DUSP18: variants seen among roughly 807,000 people sequenced by gnomAD.
DUSP18 encodes the protein dual specificity phosphatase 18.
DUSP18 carries 4 observed loss-of-function variants against 6.3 expected under a neutral mutation model. That is an observed-to-expected ratio of 0.63 (90% CI 0.31 to 1.45). The LOEUF (loss-of-function observed/expected upper bound fraction) is 1.45, where lower values mean the gene tolerates loss of function less well. DUSP18 is among the 40% of genes most tolerant of loss of function. DUSP18 has a pLI of 0.07. For missense variants in DUSP18, 235 were observed against 247.7 expected, an observed-to-expected ratio of 0.95 and a Z score of 0.34; for synonymous variants, 96 against 95.1, an observed-to-expected ratio of 1.01 and a Z score of -0.05.
chr22:30,665,089 C>T (rs1009236512), intron 1 of DUSP18: 6 of 154,390 alleles, frequency 3.9e-5, no homozygotes, highest in African/African-American at 1.4e-4. Context: ...TCATTAGACT[C>T]TCGGACCCTC....
downstream of DUSP18, among the ~76,000 whole-genome samples, chr22:30,657,127 G>A (rs1047494117): frequency 8.6e-5 from 13 of 151,924 alleles, no homozygotes; most frequent in African/African-American, 1.9e-4. Context: ...CTTTTTCTAC[G>A]AATAAGCATG....
In DUSP18 at chr22:30,656,195, G is replaced by A. The variant is rs966082875; in HGVS notation, c.*34-3898C>T. Reference sequence around the variant, plus strand: ...TCTCACTATGTTGCCCAGGCTGATCGCAAATTCCCAGGCTCAAGTGATCCT... The same window carrying A: ...TCTCACTATGTTGCCCAGGCTGATCACAAATTCCCAGGCTCAAGTGATCCT... On this transcript the variant is annotated intron_variant, in intron 2 of 2. Transcript: ENST00000404885. 2.6e-5 allele frequency among the ~76,000 whole-genome samples: 4 copies of A among 151,602 alleles called. No homozygotes were observed. The East Asian group carries it at 5.9e-4, about 22-fold the overall frequency.
chr22:30,655,429 CA>C (rs5844917), intron 2 of DUSP18, among the ~76,000 whole-genome samples: 89,351 of 111,832 alleles, frequency 0.8, 34,400 homozygotes, highest in East Asian at 0.92. Context: ...GAGATCCTAC[CA>C]AAAAAAAAAA....
In DUSP18 at chr22:30,663,271, A is replaced by T. The variant is rs182765470; in HGVS notation, c.*166T>A. Reference sequence around the variant, plus strand: ...CACAATTAGTTTAATCTTAAAAAAAATGGATTATAAAGTTAAAAGCTACAG... The same window carrying T: ...CACAATTAGTTTAATCTTAAAAAAATTGGATTATAAAGTTAAAAGCTACAG... On this transcript the variant is annotated 3_prime_UTR_variant, in exon 2 of 2. Transcript: ENST00000334679. The T allele has an allele frequency of 5.6e-4, 397 of 706,792 alleles. 2 individuals carry two copies. The African/African-American group carries it at 6.3e-3, about 11-fold the overall frequency. 43.8% of individuals were successfully genotyped at this position (706,792 alleles called of 1,614,324 possible).
Position 30,661,905 on chromosome 22 carries a change from GGAAGCTGGAACTGTGCTCCT to G in DUSP18, c.*1512_*1531del, listed in dbSNP as rs1202864452. 1.3e-5 allele frequency: 2 copies of G among 152,182 alleles called. No homozygotes were observed. Among genetic ancestry groups the G allele is most frequent in the East Asian group, 3.9e-4 (2 of 5,160 alleles). 9.4% of individuals were successfully genotyped at this position (152,182 alleles called of 1,614,324 possible). Reference sequence around the variant, plus strand: ...CAGTCACTGTTTAGAAGTGATTGGGGGAAGCTGGAACTGTGCTCCTTGTTTCAGGACCTCTAGATTGCACC... The same window carrying G: ...CAGTCACTGTTTAGAAGTGATTGGGGTGTTTCAGGACCTCTAGATTGCACC... On this transcript the variant is annotated 3_prime_UTR_variant, in exon 2 of 2. Coordinates refer to ENST00000334679, the MANE Select transcript of DUSP18 (RefSeq NM_152511.5).
At chr22:30,655,799 C>T (rs895816479) in intron 2 of DUSP18, among the ~76,000 whole-genome samples, 1 of 152,042 alleles carries the variant, frequency 6.6e-6, no homozygotes, top group African/African-American at 2.4e-5. Flanking sequence ...AGAAAAATTC[C>T]AGGGTCTGCC....
downstream of DUSP18, among the ~76,000 whole-genome samples, chr22:30,659,399 G>A (rs2088414809): frequency 6.6e-6 from 1 of 151,992 alleles, no homozygotes; most frequent in African/African-American, 2.4e-5. Flanking sequence ...TTGAGATGGA[G>A]TTTCACTCTT....
At position 30,654,066 on chromosome 22, in the gene DUSP18, G is replaced by A. The variant is rs368700520; in HGVS notation, c.*34-1769C>T. ...GCGATCTCGGCTCACTGCAAGCTCC[G>A]CCCCACGGGTTCACGCCATTCTCCT... is the stretch of plus-strand genomic sequence containing the variant. On this transcript the variant is annotated intron_variant, in intron 2 of 2. Coordinates refer to the DUSP18 transcript ENST00000404885. 8.8e-4 allele frequency: 150 copies of A among 170,376 alleles called. 1 individual carries two copies. The highest frequency in any genetic ancestry group is 3.3e-3 in the African/African-American group (137 of 40,974). 10.6% of individuals were successfully genotyped at this position (170,376 alleles called of 1,614,324 possible).
downstream of DUSP18, among the ~76,000 whole-genome samples, chr22:30,658,375 G>GA (rs200301428): frequency 0.082 from 11,849 of 145,288 alleles, 535 homozygotes; most frequent in African/African-American, 0.11. Flanking sequence ...TCTGTCTCTA[G>GA]AAAAAAAAAA....
rs759046552 is a variant in DUSP18, at chr22:30,663,387, C to G, written c.*50G>C. 6.5e-7 allele frequency: 1 copy of G among 1,527,402 alleles called. No individual in the cohort carries two copies. Among genetic ancestry groups the G allele is most frequent in the African/African-American group, 1.4e-5 (1 of 72,660 alleles). 94.6% of individuals were successfully genotyped at this position (1,527,402 alleles called of 1,614,324 possible). ...TCAAGTTTGGATCTTGGTGTAAGAT[C>G]AACAATAGATCTGTACCTCTGACTC... On this transcript the variant is annotated 3_prime_UTR_variant, in exon 2 of 2. Coordinates refer to ENST00000334679, the MANE Select transcript of DUSP18 (RefSeq NM_152511.5).
chr22:30,654,588 G>GGAAGTGGTGGGGGCCCA, intron 2 of DUSP18: 1 of 460,922 alleles, frequency 2.2e-6, no homozygotes, highest in Non-Finnish European at 4.3e-6. Flanking sequence ...CTGGGGACCC[G>GGAAGTGGTGGGGGCCCA]GAAGTGGTGG....
At chr22:30,656,020 C>A (rs910057802) in intron 2 of DUSP18, among the ~76,000 whole-genome samples, 6 of 151,784 alleles carry the variant, frequency 4.0e-5, no homozygotes, top group Admixed American at 3.9e-4. Flanking sequence ...TTGCTGAGGA[C>A]GCAGTGCAGT....
intron 2 of DUSP18, among the ~76,000 whole-genome samples, chr22:30,652,489 C>A (rs2088241217): frequency 6.6e-6 from 1 of 151,764 alleles, no homozygotes; most frequent in African/African-American, 2.4e-5. Flanking sequence ...TCATTTTAAT[C>A]TATAAACTAT....
At chr22:30,655,659 G>T (rs1420648439) in intron 2 of DUSP18, among the ~76,000 whole-genome samples, 7 of 152,148 alleles carry the variant, frequency 4.6e-5, no homozygotes, top group African/African-American at 1.7e-4. Flanking sequence ...GCATAAACAT[G>T]ATGATGGATT....
chr22:30,660,823 G>T (rs1223218592), downstream of DUSP18, among the ~76,000 whole-genome samples: 1 of 151,816 alleles, frequency 6.6e-6, no homozygotes, highest in Non-Finnish European at 1.5e-5. Context: ...AACCATGGAG[G>T]CCAGAAGGCA....
downstream of DUSP18, among the ~76,000 whole-genome samples, chr22:30,657,395 G>T (rs889135413): frequency 6.7e-6 from 1 of 149,528 alleles, no homozygotes; most frequent in Admixed American, 6.7e-5. Flanking sequence ...GGAGGCGGAG[G>T]TTGCAGTAAG....
chr22:30,664,173 C>T, intron 1 of DUSP18, 93 bp from the exon 2 acceptor site: 1 of 633,128 alleles, frequency 1.6e-6, no homozygotes, highest in Non-Finnish European at 2.8e-6. Flanking sequence ...TTATAGCATT[C>T]CCCAAGGCAG....
rs1454141142 is a variant in DUSP18 at position 30,662,812 on chromosome 22, G to C, written c.*625C>G. 6.6e-6 allele frequency: 1 copy of C among 152,652 alleles called. No individual in the cohort carries two copies. The highest frequency in any genetic ancestry group is 1.5e-5 in the Non-Finnish European group (1 of 68,434). 9.5% of individuals were successfully genotyped at this position (152,652 alleles called of 1,614,324 possible). Reference sequence around the variant, plus strand: ...CTACTGCACTCTAGGATGGGTGACAGAGCAGGACAGTTTCAAAAAAAGACA... The same window carrying C: ...CTACTGCACTCTAGGATGGGTGACACAGCAGGACAGTTTCAAAAAAAGACA... On this transcript the variant is annotated 3_prime_UTR_variant, in exon 2 of 2. Transcript: ENST00000334679.
chr22:30,654,952 CGTT>C (rs2088304209), intron 2 of DUSP18: 1 of 161,360 alleles, frequency 6.2e-6, no homozygotes. Context: ...GTTCAATCCT[CGTT>C]GTCCATATGA....
Sources: allele counts gnomAD v4.1 joint callset (sites outside exome capture counted in the v4.1 genomes callset), GRCh38; gene constraint gnomAD v4.1.1; transcripts MANE v1.5; gene names NCBI Gene and HGNC (gene_info 2026-07-23, HGNC 2026-07-21).